Variants in WDHD1 observed in about 807,000 individuals in gnomAD.
The protein encoded by WDHD1 is WD repeat and HMG-box DNA-binding protein 1.
Under a neutral mutation model 135.4 loss-of-function variants are expected in WDHD1, and 111 were observed. The observed-to-expected ratio is 0.82, with a 90% CI of 0.70 to 0.96. The LOEUF (loss-of-function observed/expected upper bound fraction) is 0.96, where lower values mean the gene tolerates loss of function less well. Ranked by LOEUF, WDHD1 falls within the 40% of genes least tolerant of loss-of-function variation. The probability of loss-of-function intolerance (pLI) is 0.00; values close to 1 mark genes in which losing one functional copy is unlikely to be tolerated. For synonymous variants in WDHD1, 434 were observed against 439.0 expected, an observed-to-expected ratio of 0.99 and a Z score of 0.14; for missense variants, 1,351 against 1,336.3, an observed-to-expected ratio of 1.01 and a Z score of -0.17.
chr14:55,000,528 G>C lies in WDHD1; in HGVS notation c.917C>G (p.Pro306Arg), dbSNP rs768368377. The change falls in exon 10 of 26, where the codon CCC becomes CGC. Residue 306 changes from proline to arginine, a missense_variant. By Grantham distance (103) the Pro-to-Arg change is moderately radical. Transcript: ENST00000360586. Reference sequence around the variant, plus strand: ...CTTACTGCTTGATGTCTTTCCACTGGGGTCACAAACATTCTCTAGAAGCCC... The same window carrying C: ...CTTACTGCTTGATGTCTTTCCACTGCGGTCACAAACATTCTCTAGAAGCCC... ...NLGLLENVCD[P>R]SGKTSSSKVS... The C allele has an allele frequency of 6.2e-7, 1 of 1,603,252 alleles. No homozygotes were observed.
At chr14:54,969,248 G>C (rs1428284400) in intron 16 of WDHD1, among the ~76,000 whole-genome samples, 1 of 150,714 alleles carries the variant, frequency 6.6e-6, no homozygotes, top group African/African-American at 2.4e-5. Context: ...CCGTGGTCTC[G>C]ATCTCCTGAC....
chr14:54,949,154 A>G (rs1474919222), intron 24 of WDHD1, among the ~76,000 whole-genome samples: 1 of 152,232 alleles, frequency 6.6e-6, no homozygotes, highest in Non-Finnish European at 1.5e-5. Flanking sequence ...TGGACGGAGA[A>G]TGACTTTGAC....
chr14:54,977,083 G>A (rs2041537069), intron 16 of WDHD1, among the ~76,000 whole-genome samples: 1 of 151,556 alleles, frequency 6.6e-6, no homozygotes, highest in Non-Finnish European at 1.5e-5. Flanking sequence ...AAAAAAATAA[G>A]GTTGTTTTTT....
chr14:54,949,511 C>G (rs1052480364), intron 24 of WDHD1, among the ~76,000 whole-genome samples: 3 of 152,014 alleles, frequency 2.0e-5, no homozygotes, highest in African/African-American at 7.3e-5. Flanking sequence ...GTGAAAAGAC[C>G]AAATCTACGT....
intron 4 of WDHD1, among the ~76,000 whole-genome samples, chr14:55,009,997 TTAG>T (rs2042140841): frequency 6.6e-6 from 1 of 151,450 alleles, no homozygotes; most frequent in East Asian, 2.0e-4. Context: ...ATTTTTTGTA[TTAG>T]TAGAGACGGG....
At position 54,995,205 on chromosome 14, in the gene WDHD1, T is replaced by C. The variant is rs1021800339; in HGVS notation, c.1153+398A>G. Among the ~76,000 whole-genome samples, 6 of 152,276 alleles carry C rather than the reference T, an allele frequency of 3.9e-5. No individual in the cohort carries two copies. The East Asian group carries it at 9.6e-4, about 24-fold the overall frequency. ...CATGTTGGCCAGGCTGGTCTTGAAC[T>C]CCTGACCTCAAGTGATCTGCCCATT... On this transcript the variant is annotated intron_variant, in intron 11 of 25. Transcript: ENST00000360586.
At chr14:54,944,959 C>G (rs1283021573) in intron 24 of WDHD1, among the ~76,000 whole-genome samples, 2 of 152,118 alleles carry the variant, frequency 1.3e-5, no homozygotes, top group African/African-American at 2.4e-5. Flanking sequence ...ACTGGAAAAT[C>G]CTTTGTAAGG....
intron 4 of WDHD1, among the ~76,000 whole-genome samples, chr14:55,009,320 C>G (rs903953771): frequency 2.6e-5 from 4 of 152,160 alleles, no homozygotes; most frequent in Admixed American, 2.6e-4. Flanking sequence ...AAGTACTATA[C>G]CTTTCACTTC....
chr14:54,998,892 C>G (rs1025868157), intron 10 of WDHD1, among the ~76,000 whole-genome samples: 2 of 152,126 alleles, frequency 1.3e-5, no homozygotes, highest in African/African-American at 4.8e-5. Flanking sequence ...ATAAAGTATG[C>G]CAAACTTATG....
intron 2 of WDHD1, 28 bp from the exon 3 acceptor site, chr14:55,013,624 C>T: frequency 6.4e-7 from 1 of 1,569,650 alleles, no homozygotes. Context: ...AAATTAAAGT[C>T]ATCGGGCATG....
intron 13 of WDHD1, 61 bp from the exon 14 acceptor site, chr14:54,987,448 A>ATATATATT (rs2041712394): frequency 7.2e-7 from 1 of 1,390,038 alleles, no homozygotes; most frequent in Non-Finnish European, 9.7e-7. Context: ...ATATATATAT[A>ATATATATT]TATAAGCAAT....
At chr14:54,943,112 T>G (rs749179236) in intron 25 of WDHD1, among the ~76,000 whole-genome samples, 1 of 152,202 alleles carries the variant, frequency 6.6e-6, no homozygotes, top group African/African-American at 2.4e-5. Context: ...CTGCCATTCC[T>G]GGGGAAGTGA....
At chr14:54,972,582 A>AAAAAAAAAAAAAAAAAAAAAAAAAAAAG (rs2041457161) in intron 16 of WDHD1, among the ~76,000 whole-genome samples, 1 of 112,838 alleles carries the variant, frequency 8.9e-6, no homozygotes, top group Non-Finnish European at 1.7e-5. Flanking sequence ...AAAAAAAAAA[A>AAAAAAAAAAAAAAAAAAAAAAAAAAAAG]AAAAAAAATG....
At chr14:54,973,076 G>A (rs771151508) in intron 16 of WDHD1, among the ~76,000 whole-genome samples, 4 of 152,064 alleles carry the variant, frequency 2.6e-5, no homozygotes, top group East Asian at 1.9e-4. Flanking sequence ...TATGTACTCC[G>A]ATTTATTTAT....
chr14:54,950,406 C>T (rs536127352), intron 24 of WDHD1, among the ~76,000 whole-genome samples: 5,661 of 152,068 alleles, frequency 0.037, 357 homozygotes, highest in African/African-American at 0.13. Flanking sequence ...AAGGCCATTA[C>T]ATAATGGTAA....
At chr14:55,022,582 T>G (rs916489343) in intron 2 of WDHD1, among the ~76,000 whole-genome samples, 5 of 151,920 alleles carry the variant, frequency 3.3e-5, no homozygotes, top group Admixed American at 6.6e-5. Flanking sequence ...CTCGGGAGGC[T>G]GAGGTAGAAA....
chr14:54,981,058 C>G (rs1331310840), intron 16 of WDHD1, among the ~76,000 whole-genome samples: 3 of 152,132 alleles, frequency 2.0e-5, no homozygotes, highest in Non-Finnish European at 2.9e-5. Flanking sequence ...TTGCAGTGAG[C>G]TGAGATCACG....
intron 16 of WDHD1, among the ~76,000 whole-genome samples, chr14:54,972,036 G>A (rs1311269792): frequency 2.0e-5 from 3 of 151,716 alleles, no homozygotes; most frequent in African/African-American, 4.8e-5. Context: ...ACTTTGGGAG[G>A]CCGAGGCGGG....
chr14:55,014,911 A>G (rs919585270), intron 2 of WDHD1, among the ~76,000 whole-genome samples: 3 of 151,754 alleles, frequency 2.0e-5, no homozygotes, highest in African/African-American at 7.3e-5. Flanking sequence ...AGAAAACCAC[A>G]TGAAAAAAAA....
Sources: allele counts gnomAD v4.1 joint callset (sites outside exome capture counted in the v4.1 genomes callset), GRCh38; gene constraint gnomAD v4.1.1; transcripts MANE v1.5; gene names NCBI Gene and HGNC (gene_info 2026-07-23, HGNC 2026-07-21).